CELF2: variants seen among roughly 807,000 people sequenced by gnomAD.
The protein encoded by CELF2 is CUGBP Elav-like family member 2, also known as CUG triplet repeat RNA-binding protein 2.
CELF2 carries 8 observed loss-of-function variants against 62.6 expected under a neutral mutation model. The observed-to-expected ratio is 0.13, with a 90% CI of 0.07 to 0.23. CELF2 has a LOEUF of 0.23. Among genes scored for constraint, CELF2 ranks in the 10% least tolerant of loss-of-function variants. The pLI is 1.00. For synonymous variants in CELF2, 258 were observed against 250.0 expected (o/e 1.03, Z -0.30); for missense variants, 333 against 671.0 (o/e 0.50, Z 5.56).
rs575102557 is a variant in CELF2, at chr10:10,825,311, A to G, written c.53+26494A>G. 2.3e-3 allele frequency among the ~76,000 whole-genome samples: 349 copies of G among 151,966 alleles called. 7 individuals carry two copies. The highest frequency in any genetic ancestry group is 4.1e-4 in the Non-Finnish European group (28 of 67,904). ...TGCAAGCTCCGCCTCCCAGGTTCAC[A>G]CCATTCTCCTGCCTCAGCCTCCCAA... On this transcript the variant is annotated intron_variant, in intron 1 of 13. Transcript: ENST00000636488.
the CELF2 span, among the ~76,000 whole-genome samples, chr10:10,648,933 A>G: frequency 6.6e-6 from 1 of 152,164 alleles, no homozygotes; most frequent in Non-Finnish European, 1.5e-5. Context: ...GTCGGCTATT[A>G]CCCATCTTCT....
chr10:10,969,240 G>C (rs2050491436), intron 2 of CELF2, among the ~76,000 whole-genome samples: 1 of 152,174 alleles, frequency 6.6e-6, no homozygotes, highest in Non-Finnish European at 1.5e-5. Flanking sequence ...CTGGGCAACA[G>C]AGCAAGACTT....
the CELF2 span, among the ~76,000 whole-genome samples, chr10:10,567,529 C>G: frequency 1.3e-5 from 2 of 152,274 alleles, no homozygotes; most frequent in Non-Finnish European, 1.5e-5. Flanking sequence ...TATGCATCAA[C>G]AGAGGCTTCA....
intron 9 of CELF2, among the ~76,000 whole-genome samples, chr10:11,307,206 A>T (rs1033897898): frequency 6.6e-6 from 1 of 152,188 alleles, no homozygotes; most frequent in Non-Finnish European, 1.5e-5. Context: ...AGGGCGAAGC[A>T]CTCTCTAGAA....
chr10:10,863,032 CAACAGTTGAAG>C (rs1394566160), intron 1 of CELF2, among the ~76,000 whole-genome samples: 5 of 152,100 alleles, frequency 3.3e-5, no homozygotes, highest in Non-Finnish European at 7.4e-5. Context: ...AAAATGATGA[CAACAGTTGAAG>C]AACCAAAAAA....
the CELF2 span, among the ~76,000 whole-genome samples, chr10:10,576,859 G>A: frequency 1.3e-5 from 2 of 152,128 alleles, no homozygotes; most frequent in Non-Finnish European, 2.9e-5. Context: ...GTTTAATTGT[G>A]TTGTACTGGA....
intron 1 of CELF2, among the ~76,000 whole-genome samples, chr10:10,883,074 C>T (rs570323864): frequency 6.6e-6 from 1 of 152,082 alleles, no homozygotes; most frequent in Non-Finnish European, 1.5e-5. Flanking sequence ...AGTTTACTTT[C>T]ATTGTTATTG....
chr10:11,274,892 A>T (rs2085415174), intron 7 of CELF2, among the ~76,000 whole-genome samples, 165 bp from the exon 8 acceptor site: 1 of 152,246 alleles, frequency 6.6e-6, no homozygotes, highest in Admixed American at 6.5e-5. Flanking sequence ...TAGAGATTGG[A>T]CATGAATATG....
chr10:10,969,976 C>T (rs1376952466), intron 2 of CELF2, among the ~76,000 whole-genome samples: 1 of 152,196 alleles, frequency 6.6e-6, no homozygotes, highest in Non-Finnish European at 1.5e-5. Context: ...AAGGATGCTT[C>T]ACCAAGCCAT....
At chr10:11,185,040 T>G (rs953067511) in intron 2 of CELF2, among the ~76,000 whole-genome samples, 8 of 152,216 alleles carry the variant, frequency 5.3e-5, no homozygotes, top group African/African-American at 1.9e-4. Flanking sequence ...ATCAAGGACA[T>G]TGTCTTGTCT....
chr10:11,253,213 T>C (rs2077659908), intron 4 of CELF2, among the ~76,000 whole-genome samples: 1 of 152,166 alleles, frequency 6.6e-6, no homozygotes, highest in African/African-American at 2.4e-5. Flanking sequence ...ATACAGAGCG[T>C]AAATCCATCC....
the CELF2 span, among the ~76,000 whole-genome samples, chr10:10,525,750 G>C: frequency 6.6e-6 from 1 of 152,184 alleles, no homozygotes; most frequent in Admixed American, 6.5e-5. Flanking sequence ...TTAGGTTGAT[G>C]GATTCCGTAT....
Position 11,243,983 on chromosome 10 carries a change from G to T in CELF2, c.355-5170G>T, listed in dbSNP as rs191685293. Among the ~76,000 whole-genome samples, 105 of 152,278 alleles carry T rather than the reference G, an allele frequency of 6.9e-4. No homozygotes were observed. Among genetic ancestry groups the T allele is most frequent in the Non-Finnish European group, 1.5e-4 (10 of 68,012 alleles). On this transcript the variant is annotated intron_variant, in intron 3 of 12. Coordinates refer to ENST00000633077, the MANE Select transcript of CELF2 (RefSeq NM_001326342.2). The surrounding 1 kb of genome is among the most constrained non-coding windows in gnomAD (Gnocchi z 4.1). ...GCCACACAGTAGGTAGATTGAATTA[G>T]CGACCACCACATCACCTGGGCCCTC...
At chr10:10,955,823 G>A (rs975142240) in intron 2 of CELF2, among the ~76,000 whole-genome samples, 7 of 152,176 alleles carry the variant, frequency 4.6e-5, no homozygotes, top group Non-Finnish European at 1.0e-4. Context: ...TGTTCATGCA[G>A]GTTGAGGTCA....
chr10:10,550,643 G>C, the CELF2 span, among the ~76,000 whole-genome samples: 1 of 151,956 alleles, frequency 6.6e-6, no homozygotes, highest in East Asian at 1.9e-4. Context: ...ACTGGATCCT[G>C]CCATGGGGTG....
At chr10:10,773,778 T>C in the CELF2 span, among the ~76,000 whole-genome samples, 1 of 152,226 alleles carries the variant, frequency 6.6e-6, no homozygotes, top group Non-Finnish European at 1.5e-5. Context: ...CCTTGACCTT[T>C]TCCCTGTCTC....
rs2140624588 is a variant in CELF2, at chr10:11,315,308, C to A, written c.1096+1050C>A. Among the ~76,000 whole-genome samples the A allele has an allele frequency of 6.6e-6, 1 of 152,274 alleles. No homozygotes were observed. The highest frequency in any genetic ancestry group is 2.4e-5 in the African/African-American group (1 of 41,546). ...ACCATGCAGCCCAGGCACCCCGGCA[C>A]CTGCCCATTCTCATTTTTAATAAAG... On this transcript the variant is annotated intron_variant, in intron 10 of 12. Coordinates refer to ENST00000633077, the MANE Select transcript of CELF2 (RefSeq NM_001326342.2). The surrounding 1 kb of genome is among the most constrained non-coding windows in gnomAD (Gnocchi z 5.8).
intron 2 of CELF2, among the ~76,000 whole-genome samples, chr10:10,929,383 C>T (rs1486307306): frequency 2.6e-5 from 4 of 152,182 alleles, no homozygotes; most frequent in Non-Finnish European, 5.9e-5. Context: ...AAGTATTTAG[C>T]TCAATGCCTG....
the CELF2 span, among the ~76,000 whole-genome samples, chr10:10,554,141 A>T: frequency 6.6e-6 from 1 of 152,086 alleles, no homozygotes; most frequent in Non-Finnish European, 1.5e-5. Context: ...TATAAGAGTG[A>T]TAAGGGGGGA....
Sources: allele counts gnomAD v4.1 joint callset (sites outside exome capture counted in the v4.1 genomes callset), GRCh38; gene constraint gnomAD v4.1.1; non-coding constraint Gnocchi (gnomAD v3.1); transcripts MANE v1.5; gene names NCBI Gene and HGNC (gene_info 2026-07-23, HGNC 2026-07-21).